Variants in ITSN1 observed in about 807,000 individuals in gnomAD.
The protein encoded by ITSN1 is intersectin 1.
ITSN1 carries 58 observed loss-of-function variants against 239.8 expected under a neutral mutation model. That is an observed-to-expected ratio of 0.24 (90% CI 0.20 to 0.30). The LOEUF (loss-of-function observed/expected upper bound fraction) is 0.30, where lower values mean the gene tolerates loss of function less well. ITSN1 is among the 10% of genes least tolerant of loss of function. The pLI is 1.00. For missense variants in ITSN1, 1,558 were observed against 2,103.3 expected, an observed-to-expected ratio of 0.74 and a Z score of 5.07; for synonymous variants, 780 against 770.8, an observed-to-expected ratio of 1.01 and a Z score of -0.20.
At chr21:33,667,161 C>T (rs2089982237) in intron 1 of ITSN1, among the ~76,000 whole-genome samples, 1 of 151,646 alleles carries the variant, frequency 6.6e-6, no homozygotes, top group South Asian at 2.1e-4. Context: ...CTCTTTTTCT[C>T]CACAGGTGTA....
intron 29 of ITSN1, chr21:33,838,532 C>T: frequency 1.1e-6 from 1 of 905,474 alleles, no homozygotes; most frequent in Non-Finnish European, 1.3e-6. Context: ...GATGTTGGAA[C>T]CTGGCAGTGG....
chr21:33,772,962 G>A (rs531546558), intron 12 of ITSN1, among the ~76,000 whole-genome samples: 1 of 149,566 alleles, frequency 6.7e-6, no homozygotes, highest in South Asian at 2.1e-4. Flanking sequence ...AAAAACCACT[G>A]TAATAGTATC....
At chr21:33,804,533 G>A (rs1292707445) in intron 20 of ITSN1, among the ~76,000 whole-genome samples, 1 of 152,192 alleles carries the variant, frequency 6.6e-6, no homozygotes, top group Non-Finnish European at 1.5e-5. Flanking sequence ...AAAGTGATGT[G>A]CTCAGGGAAG....
chr21:33,809,878 C>T (rs1401167468), intron 20 of ITSN1, among the ~76,000 whole-genome samples: 1 of 152,190 alleles, frequency 6.6e-6, no homozygotes, highest in Non-Finnish European at 1.5e-5. Flanking sequence ...ACTGCAACCT[C>T]CGTCTCCTGG....
intron 22 of ITSN1, chr21:33,814,372 GCCTGCCTGT>G: frequency 3.2e-6 from 1 of 312,816 alleles, no homozygotes; most frequent in Non-Finnish European, 6.0e-6. Context: ...AATGGAGAGA[GCCTGCCTGT>G]CAGACAGAAA....
intron 11 of ITSN1, among the ~76,000 whole-genome samples, chr21:33,770,167 G>A (rs1011648097): frequency 1.3e-5 from 2 of 152,054 alleles, no homozygotes; most frequent in Non-Finnish European, 2.9e-5. Context: ...GGGTTCAAGC[G>A]ATTCTTCTGC....
At chr21:33,782,891 G>C (rs1214197590) in intron 16 of ITSN1, among the ~76,000 whole-genome samples, 2 of 152,104 alleles carry the variant, frequency 1.3e-5, no homozygotes, top group African/African-American at 2.4e-5. Context: ...CGGGCATGGT[G>C]GTGGGCGCCT....
At chr21:33,694,775 C>T (rs1214315699) in intron 1 of ITSN1, among the ~76,000 whole-genome samples, 1 of 152,138 alleles carries the variant, frequency 6.6e-6, no homozygotes, top group African/African-American at 2.4e-5. Context: ...GCCGATATCA[C>T]ACCACTGCAC....
rs773336718 is a variant in ITSN1, at chr21:33,856,795, T to C, written c.3721T>C (p.Tyr1241His). Residue 1241 changes from tyrosine to histidine, a missense_variant, in exon 30 of 40, where the codon TAC becomes CAC. Physicochemically the swap from Tyr to His is moderately conservative, Grantham distance 83 (BLOSUM62 2). Around this residue, in one of 2 missense-constraint regions of ITSN1, gnomAD observed 576 missense variants for 893.3 expected, o/e 0.64. Coordinates refer to ENST00000381318, the MANE Select transcript of ITSN1 (RefSeq NM_003024.3). ...CCCAACTGAAAGAAAGCGACAAGGA[T>C]ACATCCACGAGCTCATTGTCACCGA... ...LTPTERKRQG[Y>H]IHELIVTEEN... 2 of 1,614,054 alleles carry C rather than the reference T, an allele frequency of 1.2e-6. No homozygotes were observed. Among genetic ancestry groups the C allele is most frequent in the South Asian group, 2.2e-5 (2 of 91,084 alleles).
At chr21:33,771,866 C>T (rs751044856) in intron 11 of ITSN1, among the ~76,000 whole-genome samples, 195 bp from the exon 12 acceptor site, 17 of 151,982 alleles carry the variant, frequency 1.1e-4, no homozygotes, top group Non-Finnish European at 2.1e-4. Context: ...CAGTGTTTGG[C>T]GTGGAGGAGA....
At chr21:33,868,559 G>A (rs2074528234) in intron 33 of ITSN1, among the ~76,000 whole-genome samples, 2 of 152,242 alleles carry the variant, frequency 1.3e-5, no homozygotes, top group Non-Finnish European at 2.9e-5. Context: ...CGCTGGCCCG[G>A]GTGCTAAGTC....
intron 5 of ITSN1, among the ~76,000 whole-genome samples, chr21:33,737,283 A>G (rs972901865): frequency 6.6e-6 from 1 of 152,218 alleles, no homozygotes; most frequent in Non-Finnish European, 1.5e-5. Flanking sequence ...TAAACCTGCC[A>G]GGATTTCTGA....
At chr21:33,803,661 T>C (rs2072187016) in intron 20 of ITSN1, among the ~76,000 whole-genome samples, 1 of 152,230 alleles carries the variant, frequency 6.6e-6, no homozygotes, top group African/African-American at 2.4e-5. Flanking sequence ...CACTGGGCAG[T>C]AAAGAAGGGG....
chr21:33,731,247 A>G (rs1166185075), intron 4 of ITSN1, among the ~76,000 whole-genome samples: 1 of 151,820 alleles, frequency 6.6e-6, no homozygotes, highest in Admixed American at 6.6e-5. Flanking sequence ...CCCCTAACCT[A>G]CTCATTATCC....
At chr21:33,869,830 T>C (rs28425564) in intron 33 of ITSN1, among the ~76,000 whole-genome samples, 56,363 of 150,918 alleles carry the variant, frequency 0.37, 11,089 homozygotes, top group East Asian at 0.51. Flanking sequence ...CTGGGAAATA[T>C]ATGAATGTCT....
At chr21:33,724,158 CTG>C (rs1360728622) in intron 4 of ITSN1, among the ~76,000 whole-genome samples, 1 of 151,934 alleles carries the variant, frequency 6.6e-6, no homozygotes, top group Non-Finnish European at 1.5e-5. Flanking sequence ...TACCAGATCT[CTG>C]TGCTTTTTTT....
chr21:33,651,991 G>A (rs1354724638), intron 1 of ITSN1, among the ~76,000 whole-genome samples: 1 of 152,126 alleles, frequency 6.6e-6, no homozygotes, highest in Non-Finnish European at 1.5e-5. Context: ...TACTACAAAA[G>A]GAATACATGT....
In ITSN1 at chr21:33,895,652, T is replaced by A. The variant is rs1048067834; in HGVS notation, c.*7352T>A. 9.9e-5 allele frequency: 15 copies of A among 151,980 alleles called. No individual in the cohort carries two copies. Among genetic ancestry groups the A allele is most frequent in the Non-Finnish European group, 2.2e-4 (15 of 68,174 alleles). The allele number at this position is 151,980 out of a possible 1,614,324, so 9.4% of individuals were successfully genotyped here. On this transcript the variant is annotated 3_prime_UTR_variant, in exon 40 of 40. Coordinates refer to ENST00000381318, the MANE Select transcript of ITSN1 (RefSeq NM_003024.3). ...GTGTGCGTGTGTGTGCGTGTGTATG[T>A]GCGTGTATGCATGTGCATGTTTGTG...
intron 38 of ITSN1, 57 bp from the exon 39 acceptor site, chr21:33,886,230 A>ATT: frequency 8.9e-7 from 1 of 1,126,518 alleles, no homozygotes; most frequent in Non-Finnish European, 1.3e-6. Context: ...AAAAAAAAAG[A>ATT]GTGGAGATCA....
Sources: allele counts gnomAD v4.1 joint callset (sites outside exome capture counted in the v4.1 genomes callset), GRCh38; gene constraint gnomAD v4.1.1; regional missense constraint gnomAD v4.1.1; transcripts MANE v1.5; gene names NCBI Gene and HGNC (gene_info 2026-07-23, HGNC 2026-07-21).